LRFN5: variants seen among roughly 807,000 people sequenced by gnomAD.
LRFN5 encodes leucine-rich repeat and fibronectin type-III domain-containing protein 5.
A neutral mutation model predicts 45.6 loss-of-function variants in LRFN5; 24 were observed. The observed-to-expected ratio is 0.53, with a 90% CI of 0.38 to 0.74. The LOEUF is 0.74. Ranked by LOEUF, LRFN5 falls within the 30% of genes least tolerant of loss-of-function variation. The pLI is 0.00. For missense variants in LRFN5, 776 were observed against 861.5 expected, an observed-to-expected ratio of 0.90 and a Z score of 1.24; for synonymous variants, 340 against 313.8, an observed-to-expected ratio of 1.08 and a Z score of -0.88.
At chr14:41,869,390 G>A (rs536506896) in intron 2 of LRFN5, among the ~76,000 whole-genome samples, 1 of 150,974 alleles carries the variant, frequency 6.6e-6, no homozygotes, top group African/African-American at 2.4e-5. Flanking sequence ...TTTCCTAAAT[G>A]TCAGTCTGCT....
intron 2 of LRFN5, among the ~76,000 whole-genome samples, chr14:41,880,740 T>C (rs944193126): frequency 3.9e-5 from 6 of 152,188 alleles, no homozygotes; most frequent in Non-Finnish European, 7.4e-5. Context: ...GTATCTCCAA[T>C]TGTAACTGTG....
At chr14:41,721,811 G>A (rs1417229712) in intron 1 of LRFN5, among the ~76,000 whole-genome samples, 2 of 151,916 alleles carry the variant, frequency 1.3e-5, no homozygotes, top group Middle Eastern at 3.4e-3. Flanking sequence ...TTTTCTTCAG[G>A]GTTAGCCATG....
intron 1 of LRFN5, among the ~76,000 whole-genome samples, chr14:41,732,197 C>T (rs1188260115): frequency 1.3e-5 from 2 of 152,120 alleles, no homozygotes; most frequent in African/African-American, 2.4e-5. Flanking sequence ...ATGCATACAG[C>T]TTGGGGAAGC....
chr14:41,798,113 C>A (rs1448635063), intron 2 of LRFN5, among the ~76,000 whole-genome samples: 1 of 151,814 alleles, frequency 6.6e-6, no homozygotes, highest in Non-Finnish European at 1.5e-5. Flanking sequence ...CCTCAGACAA[C>A]CCTTCATTAC....
chr14:41,731,212 T>C (rs1884161507), intron 1 of LRFN5: 2 of 152,134 alleles, frequency 1.3e-5, no homozygotes, highest in African/African-American at 2.4e-5. Flanking sequence ...GTTAAAATTA[T>C]CTAAATCATT....
At chr14:41,841,474 G>A (rs147666359) in intron 2 of LRFN5, among the ~76,000 whole-genome samples, 270 of 151,952 alleles carry the variant, frequency 1.8e-3, no homozygotes, top group African/African-American at 6.2e-3. Context: ...ACATTAGATG[G>A]TTATACCATT....
chr14:41,714,998 A>T (rs769732460), intron 1 of LRFN5, among the ~76,000 whole-genome samples: 42 of 152,212 alleles, frequency 2.8e-4, no homozygotes, highest in Admixed American at 5.2e-4. Flanking sequence ...TGAAAAAAAC[A>T]TAGAATGTTA....
intron 2 of LRFN5, among the ~76,000 whole-genome samples, chr14:41,803,775 T>G (rs749962453): frequency 8.5e-5 from 13 of 152,254 alleles, no homozygotes; most frequent in Non-Finnish European, 1.8e-4. Flanking sequence ...GTTGCCCAGA[T>G]AGAGCTGATT....
chr14:41,674,371 C>CG (rs1159448406), intron 1 of LRFN5, among the ~76,000 whole-genome samples: 2 of 137,330 alleles, frequency 1.5e-5, no homozygotes, highest in Non-Finnish European at 1.6e-5. Flanking sequence ...GCTGGCCGGG[C>CG]GGGGGGCTGA....
intron 2 of LRFN5, among the ~76,000 whole-genome samples, chr14:41,848,691 C>T (rs760421569): frequency 8.6e-5 from 13 of 151,990 alleles, no homozygotes; most frequent in Non-Finnish European, 1.5e-4. Flanking sequence ...CTTATGAAAC[C>T]TGGCTGTAAG....
chr14:41,865,561 TTC>T (rs1390738990), intron 2 of LRFN5, among the ~76,000 whole-genome samples: 1 of 152,180 alleles, frequency 6.6e-6, no homozygotes, highest in Non-Finnish European at 1.5e-5. Flanking sequence ...TCACCATATT[TTC>T]ATTTCTCTGG....
Position 41,891,575 on chromosome 14 carries a change from T to A in LRFN5, c.1711T>A (p.Ser571Thr). 6.2e-7 allele frequency: 1 copy of A among 1,614,178 alleles called. No homozygotes were observed. Among genetic ancestry groups the A allele is most frequent in the Non-Finnish European group, 8.5e-7 (1 of 1,180,028 alleles). The change falls in exon 4 of 6, where the codon TCC (serine) becomes ACC (threonine). Residue 571 changes from serine (S) to threonine (T), a missense_variant. Physicochemically the swap from Ser to Thr is moderately conservative, Grantham distance 58 (BLOSUM62 1). Around this residue, in one of 2 missense-constraint regions of LRFN5, gnomAD observed 465 missense variants for 456.4 expected, o/e 1.02. Coordinates refer to ENST00000298119, the MANE Select transcript of LRFN5 (RefSeq NM_152447.5). ...GGTCACCAAGGTTAGCAATGTTTAT[T>A]CCCAAACTAACGGGGCTCAAATACA... ...HKVTKVSNVY[S>T]QTNGAQIQGC...
chr14:41,833,576 T>C (rs1165000070), intron 2 of LRFN5, among the ~76,000 whole-genome samples: 1 of 152,192 alleles, frequency 6.6e-6, no homozygotes, highest in Non-Finnish European at 1.5e-5. Context: ...TCCTTCGTCA[T>C]TGTCTTTCAA....
chr14:41,823,440 T>TATCTAC (rs1459306608), intron 2 of LRFN5, among the ~76,000 whole-genome samples: 1 of 151,910 alleles, frequency 6.6e-6, no homozygotes, highest in East Asian at 1.9e-4. Context: ...TCTATATCTA[T>TATCTAC]ATTTGATTTT....
chr14:41,899,083 A>G, intron 5 of LRFN5, 123 bp downstream of exon 5: 1 of 741,258 alleles, frequency 1.3e-6, no homozygotes, highest in Non-Finnish European at 2.1e-6. Flanking sequence ...TTTAAAATTT[A>G]CTTATAATTC....
intron 2 of LRFN5, among the ~76,000 whole-genome samples, chr14:41,799,161 A>G (rs1566449810): frequency 6.6e-6 from 1 of 152,022 alleles, no homozygotes; most frequent in Non-Finnish European, 1.5e-5. Context: ...CTCACGGGTA[A>G]GTGCATAAAT....
intron 1 of LRFN5, among the ~76,000 whole-genome samples, chr14:41,662,605 A>G (rs773318209): frequency 1.6e-4 from 25 of 151,998 alleles, no homozygotes; most frequent in Non-Finnish European, 3.1e-4. Context: ...CCAAGCATCT[A>G]TTGTGGGCCT....
At chr14:41,763,315 C>A (rs1885745464) in intron 1 of LRFN5, among the ~76,000 whole-genome samples, 1 of 152,114 alleles carries the variant, frequency 6.6e-6, no homozygotes, top group African/African-American at 2.4e-5. Context: ...AAGGCTCTTA[C>A]CAATGTATAT....
chr14:41,898,084 G>T (rs1398100874), intron 4 of LRFN5, among the ~76,000 whole-genome samples: 1 of 151,722 alleles, frequency 6.6e-6, no homozygotes, highest in Admixed American at 6.6e-5. Flanking sequence ...AATCTCCAAA[G>T]ACCATTGTAT....
Sources: allele counts gnomAD v4.1 joint callset (sites outside exome capture counted in the v4.1 genomes callset), GRCh38; gene constraint gnomAD v4.1.1; regional missense constraint gnomAD v4.1.1; transcripts MANE v1.5; gene names NCBI Gene and HGNC (gene_info 2026-07-23, HGNC 2026-07-21).